The following ODAD3 variants were observed in gnomAD, a reference collection of about 807,000 sequenced individuals.
ODAD3 encodes outer dynein arm docking complex subunit 3.
A neutral mutation model predicts 70.9 loss-of-function variants in ODAD3; 57 were observed. The observed-to-expected ratio is 0.80, with a 90% CI of 0.65 to 1.00. ODAD3 has a LOEUF of 1.00. Ranked by LOEUF, ODAD3 falls within the 50% of genes least tolerant of loss-of-function variation. The probability of loss-of-function intolerance (pLI) is 0.00; values close to 1 mark genes in which losing one functional copy is unlikely to be tolerated. For synonymous variants in ODAD3, 327 were observed against 315.9 expected (o/e 1.04, Z -0.37); for missense variants, 797 against 763.9 (o/e 1.04, Z -0.51).
At chr19:11,433,684 T>C (rs1969553161) in intron 1 of ODAD3, among the ~76,000 whole-genome samples, 1 of 152,220 alleles carries the variant, frequency 6.6e-6, no homozygotes, top group African/African-American at 2.4e-5. Flanking sequence ...CCCAGCACTT[T>C]GGGAGGCTGA....
chr19:11,430,443 G>GT lies in ODAD3; in HGVS notation c.444+255dup, dbSNP rs112619729. 0.052 allele frequency: 22,243 copies of GT among 430,676 alleles called. 26 individuals are homozygous for GT. Among genetic ancestry groups the GT allele is most frequent in the South Asian group, 0.064 (1,966 of 30,892 alleles). The allele number at this position is 430,676 out of a possible 1,614,324, so 26.7% of individuals were successfully genotyped here. ...GTGGGCCACCGCGCCTGGCTGTGAT[G>GT]TTTTTTTTTTTAACTTGTTTTCCCT... On this transcript the variant is annotated intron_variant, in intron 3 of 12. Coordinates refer to ENST00000356392, the MANE Select transcript of ODAD3 (RefSeq NM_145045.5).
chr19:11,425,435 G>A (rs182640713), intron 7 of ODAD3, among the ~76,000 whole-genome samples: 3 of 139,548 alleles, frequency 2.1e-5, no homozygotes, highest in Admixed American at 7.2e-5. Context: ...ACACATATGT[G>A]TATATGTATA....
chr19:11,431,942 CAAAAA>C (rs71164201), intron 1 of ODAD3, among the ~76,000 whole-genome samples: 1 of 64,070 alleles, frequency 1.6e-5, no homozygotes, highest in African/African-American at 6.4e-5. Context: ...GACTCTGCCT[CAAAAA>C]AAAAAAAAAA....
chr19:11,433,350 G>T (rs1488188416), intron 1 of ODAD3, among the ~76,000 whole-genome samples: 3 of 152,206 alleles, frequency 2.0e-5, no homozygotes, highest in South Asian at 2.1e-4. Flanking sequence ...GTTTCACCGT[G>T]TTGGCCATGC....
At chr19:11,432,047 G>T (rs1443212055) in intron 1 of ODAD3, among the ~76,000 whole-genome samples, 1 of 151,290 alleles carries the variant, frequency 6.6e-6, no homozygotes, top group Non-Finnish European at 1.5e-5. Context: ...GGAGGTGGAG[G>T]TTGCATTGAG....
At chr19:11,435,705 G>C (rs973571335), upstream of ODAD3, 1 of 1,319,116 alleles carries the variant, frequency 7.6e-7, no homozygotes. Context: ...CTCCGGCCTC[G>C]TGTAGGTGTG....
At chr19:11,425,249 A>T (rs868785278) in intron 7 of ODAD3, among the ~76,000 whole-genome samples, 3 of 113,332 alleles carry the variant, frequency 2.6e-5, no homozygotes, top group African/African-American at 1.2e-4. Context: ...ATGTGTATAT[A>T]TGTATATGTA....
At chr19:11,423,284 T>C (rs546132298) in intron 8 of ODAD3, among the ~76,000 whole-genome samples, 1 of 152,310 alleles carries the variant, frequency 6.6e-6, no homozygotes, top group Admixed American at 6.5e-5. Context: ...CCCATAGGTG[T>C]ACTCCTATAG....
rs573172039 is a variant in ODAD3, at chr19:11,423,804, C to T, written c.1116+73G>A. 2.1e-5 allele frequency: 31 copies of T among 1,472,732 alleles called. 1 individual carries two copies. In the South Asian group the frequency reaches 2.8e-4, roughly 13 times the overall value. The allele number at this position is 1,472,732 out of a possible 1,614,324, so 91.2% of individuals were successfully genotyped here. ...GGGAGACAGGGTGTGTCGGTTTCAC[C>T]GGCTTAGGCACCCCTGGGGCCCGTC... On this transcript the variant is annotated intron_variant, in intron 8 of 12. Transcript: ENST00000356392.
intron 7 of ODAD3, among the ~76,000 whole-genome samples, chr19:11,425,133 ATG>A (rs1969275483): frequency 1.6e-5 from 2 of 126,222 alleles, no homozygotes; most frequent in East Asian, 4.5e-4. Flanking sequence ...ATATGTGTAT[ATG>A]TGTATATGTA....
chr19:11,435,198 T>G, upstream of ODAD3: 1 of 1,426,032 alleles, frequency 7.0e-7, no homozygotes, highest in Admixed American at 2.9e-5. Context: ...TCTCCACTGT[T>G]TCCATGGAGA....
rs1442347173 is a variant in ODAD3, at chr19:11,428,099, C to T, written c.445-1059G>A. Among the ~76,000 whole-genome samples the T allele has an allele frequency of 2.4e-5, 3 of 122,808 alleles. No homozygotes were observed. In the East Asian group the frequency reaches 7.7e-4, roughly 31 times the overall value. The allele number at this position is 122,808 out of a possible 152,430, so 80.6% of individuals were successfully genotyped here. A position where few individuals can be genotyped will look rare whatever the true frequency, so the allele number is the denominator to read the frequency against. On this transcript the variant is annotated intron_variant, in intron 3 of 12. Coordinates refer to ENST00000356392, the MANE Select transcript of ODAD3 (RefSeq NM_145045.5). ...TGGGCGACAGTGCGAGACTCTGTCT[C>T]AAAAAAAAAAAAAAATTATAGAGGC...
Position 11,430,890 on chromosome 19 carries a change from G to A in ODAD3, c.366+9C>T, listed in dbSNP as rs370978492. Reference sequence around the variant, plus strand: ...ACGGGAACCCTACACCCACCCCTTTGCCCCTTACCTTGAGCAGGTCCAGCA... The same window carrying A: ...ACGGGAACCCTACACCCACCCCTTTACCCCTTACCTTGAGCAGGTCCAGCA... On this transcript the variant is annotated intron_variant, in intron 2 of 12. Transcript: ENST00000356392. The A allele has an allele frequency of 4.2e-4, 675 of 1,613,840 alleles. 2 individuals carry two copies. Among genetic ancestry groups the A allele is most frequent in the Non-Finnish European group, 5.5e-4 (653 of 1,179,968 alleles).
At chr19:11,435,694 GCTC>G, upstream of ODAD3, 1 of 1,312,140 alleles carries the variant, frequency 7.6e-7, no homozygotes, top group Non-Finnish European at 1.0e-6. Context: ...ACTGACCTTT[GCTC>G]CGGCCTCGTG....
chr19:11,421,877 C>CTT (rs760192154), intron 10 of ODAD3, 45 bp from the exon 11 acceptor site: 1 of 1,573,446 alleles, frequency 6.4e-7, no homozygotes, highest in East Asian at 2.3e-5. Flanking sequence ...GGTGGGGCCT[C>CTT]TTGGAAGGCT....
upstream of ODAD3, chr19:11,435,174 C>T: frequency 2.8e-6 from 4 of 1,430,072 alleles, no homozygotes; most frequent in South Asian, 6.0e-5. Context: ...GCCAGGTAAC[C>T]GCCTCCCCGT....
At chr19:11,426,035 AG>A (rs1969363295) in intron 7 of ODAD3, 108 bp downstream of exon 7, 2 of 1,406,600 alleles carry the variant, frequency 1.4e-6, no homozygotes, top group East Asian at 2.5e-5. Flanking sequence ...GGGCGGGGTT[AG>A]GAGAAACAGA....
At chr19:11,427,961 A>G (rs913362759) in intron 3 of ODAD3, among the ~76,000 whole-genome samples, 3 of 151,646 alleles carry the variant, frequency 2.0e-5, no homozygotes, top group Admixed American at 6.6e-5. Flanking sequence ...TTAGCCGGGC[A>G]TGGTGGCAGG....
intron 7 of ODAD3, 136 bp from the exon 8 acceptor site, chr19:11,424,165 G>C: frequency 8.5e-7 from 1 of 1,170,884 alleles, no homozygotes. Flanking sequence ...CAAAAGCTTG[G>C]GGCCAGATAA....
Sources: gnomAD v4.1 joint callset for allele counts (sites outside exome capture counted in the v4.1 genomes callset) on GRCh38, gnomAD v4.1.1 for gene constraint, MANE v1.5 for transcripts, NCBI Gene and HGNC (gene_info 2026-07-23, HGNC 2026-07-21) for gene names.